TACC3: variants seen among roughly 807,000 people sequenced by gnomAD.
TACC3 encodes transforming acidic coiled-coil containing protein 3, also known as transforming acidic coiled-coil-containing protein 3.
A neutral mutation model predicts 86.0 loss-of-function variants in TACC3; 52 were observed. The ratio of observed to expected loss-of-function variants is 0.60; its 90% CI spans 0.48 to 0.76. The LOEUF (loss-of-function observed/expected upper bound fraction) is 0.76. Ranked by LOEUF, TACC3 falls within the 30% of genes least tolerant of loss-of-function variation. The probability of loss-of-function intolerance (pLI) is 0.00; values close to 1 mark genes in which losing one functional copy is unlikely to be tolerated. For synonymous variants in TACC3, 512 were observed against 430.0 expected, an observed-to-expected ratio of 1.19 and a Z score of -2.36; for missense variants, 1,120 against 1,070.4, an observed-to-expected ratio of 1.05 and a Z score of -0.65.
intron 15 of TACC3, 33 bp downstream of exon 15, chr4:1,744,865 C>T: frequency 6.2e-7 from 1 of 1,612,764 alleles, no homozygotes; most frequent in Non-Finnish European, 8.5e-7. Context: ...AAGGGGCCGT[C>T]TGGCAGCACC....
intron 6 of TACC3, among the ~76,000 whole-genome samples, chr4:1,732,612 T>C (rs1377097770): frequency 4.6e-5 from 7 of 152,216 alleles, no homozygotes; most frequent in South Asian, 4.1e-4. Context: ...GAATGGCATG[T>C]AGGGTTTGTC....
chr4:1,731,929 C>T (rs1229161806), intron 6 of TACC3, among the ~76,000 whole-genome samples: 2 of 152,244 alleles, frequency 1.3e-5, no homozygotes, highest in East Asian at 1.9e-4. Context: ...CCCCCGCGCC[C>T]GGCCCAGAAC....
Position 1,731,253 on chromosome 4 carries a change from C to G in TACC3, c.1543C>G (p.Gln515Glu). The G allele has an allele frequency of 6.2e-7, 1 of 1,613,380 alleles. No homozygotes were observed. Among genetic ancestry groups the G allele is most frequent in the Non-Finnish European group, 8.5e-7 (1 of 1,180,010 alleles). ...SEPVPTHQQG[Q>E]PALELKEESF... ...GCCAGTGCCCACCCATCAGCAGGGG[C>G]AGCCTGCCTTGGAGCTGAAAGAGGA... The change falls in exon 6 of 16, where the codon CAG (glutamine) becomes GAG (glutamate). Residue 515 changes from glutamine (Q) to glutamate (E), a missense_variant. Coordinates refer to ENST00000313288, the MANE Select transcript of TACC3 (RefSeq NM_006342.3).
chr4:1,743,254 CAAAA>C (rs60854843), intron 13 of TACC3, among the ~76,000 whole-genome samples: 18 of 104,652 alleles, frequency 1.7e-4, no homozygotes, highest in Admixed American at 4.0e-4. Context: ...GACTCCGTCT[CAAAA>C]AAAAAAAAAA....
chr4:1,727,855 C>G lies in TACC3; in HGVS notation c.453C>G (p.Asp151Glu), dbSNP rs370688431. The change falls in exon 4 of 16, where the codon GAC (aspartate) becomes GAG (glutamate). Residue 151 changes from aspartate (D) to glutamate (E), a missense_variant. Asp to Glu is a conservative substitution (Grantham distance 45). Coordinates refer to ENST00000313288, the MANE Select transcript of TACC3 (RefSeq NM_006342.3). The part of the protein sequence containing the change: ...SSESGPGALA[D>E]LDCSSSSQSP... ...AGTCTGGCCCAGGTGCCCTGGCTGACCTGGACTGCTCAAGCTCTTCCCAGA... is the reference window on the plus strand; with the variant it reads ...AGTCTGGCCCAGGTGCCCTGGCTGAGCTGGACTGCTCAAGCTCTTCCCAGA... The G allele has an allele frequency of 1.2e-6, 2 of 1,613,528 alleles. No individual in the cohort carries two copies. The highest frequency in any genetic ancestry group is 1.1e-5 in the South Asian group (1 of 91,088).
chr4:1,740,933 G>A lies in TACC3; in HGVS notation c.2170G>A (p.Asp724Asn), dbSNP rs1344324205. The change falls in exon 13 of 16, where the codon GAC (aspartate) becomes AAC (asparagine). Residue 724 changes from aspartate (D) to asparagine (N), a missense_variant. Physicochemically the swap from Asp to Asn is conservative, Grantham distance 23. Transcript: ENST00000313288. Reference sequence around the variant, plus strand: ...GAACTCCATGGAGAAGTCCTTCTCCGACCTCTTCAAGCGTTTTGAGAAACA... The same window carrying A: ...GAACTCCATGGAGAAGTCCTTCTCCAACCTCTTCAAGCGTTTTGAGAAACA... ...DLNSMEKSFS[D>N]LFKRFEKQKE... 5.0e-6 allele frequency: 8 copies of A among 1,612,634 alleles called. No homozygotes were observed. Among genetic ancestry groups the A allele is most frequent in the South Asian group, 2.2e-5 (2 of 90,860 alleles).
In TACC3 at chr4:1,731,175, A is replaced by G; in HGVS notation, c.1465A>G (p.Arg489Gly). Reference sequence around the variant, plus strand: ...GTGACTCTGCCCTTTCCTCCAGGAGAGAGCCTTGAACTCTGCCAGCACCTC... The same window carrying G: ...GTGACTCTGCCCTTTCCTCCAGGAGGGAGCCTTGAACTCTGCCAGCACCTC... ...AETPTAESKE[R>G]ALNSASTSLP... Residue 489 changes from arginine (R) to glycine (G), a missense_variant, in exon 6 of 16, where the codon AGA becomes GGA. Transcript: ENST00000313288. 1 of 1,613,232 alleles carries G rather than the reference A, an allele frequency of 6.2e-7. No homozygotes were observed. The highest frequency in any genetic ancestry group is 8.5e-7 in the Non-Finnish European group (1 of 1,179,996).
rs149322969 is a variant in TACC3, at chr4:1,727,982, A to G, written c.580A>G (p.Arg194Gly). 2 of 1,613,076 alleles carry G rather than the reference A, an allele frequency of 1.2e-6. No homozygotes were observed. Among genetic ancestry groups the G allele is most frequent in the Non-Finnish European group, 1.7e-6 (2 of 1,180,040 alleles). ...CCTTAGTTCCTATTCCTTAGACAGA[A>G]GAGTGACACCCGCCTCTGAGACCCT... ...ENLSSYSLDR[R>G]VTPASETLED... The change falls in exon 4 of 16, where the codon AGA (arginine) becomes GGA (glycine). Residue 194 changes from arginine to glycine, a missense_variant. Coordinates refer to ENST00000313288, the MANE Select transcript of TACC3 (RefSeq NM_006342.3).
intron 10 of TACC3, 167 bp from the exon 11 acceptor site, chr4:1,739,535 T>G (rs1718460929): frequency 1.6e-6 from 1 of 638,994 alleles, no homozygotes; most frequent in Non-Finnish European, 2.7e-6. Flanking sequence ...GCAGGTGGCC[T>G]TGGCCTCGAC....
chr4:1,724,941 T>TTTTC (rs1178481222), intron 3 of TACC3, among the ~76,000 whole-genome samples: 1 of 147,498 alleles, frequency 6.8e-6, no homozygotes, highest in Non-Finnish European at 1.5e-5. Flanking sequence ...TTTTTTTTTT[T>TTTTC]TTTTTTTTAC....
rs183064119 is a variant in TACC3, at chr4:1,741,292, G to A, written c.2223+306G>A. ...AGATTTGAGACAGCGCTGGTGCACC[G>A]GGGCCTGGGGCACCTCGGAAAGGTG... On this transcript the variant is annotated intron_variant, in intron 13 of 15. Coordinates refer to ENST00000313288, the MANE Select transcript of TACC3 (RefSeq NM_006342.3). 5.9e-4 allele frequency: 137 copies of A among 231,226 alleles called. 1 individual carries two copies. In the Middle Eastern group the frequency reaches 0.01, roughly 17 times the overall value. The allele number at this position is 231,226 out of a possible 1,614,324, so 14.3% of individuals were successfully genotyped here.
Position 1,739,948 on chromosome 4 carries a change from T to TCCTC in TACC3, c.2019-8_2019-5dup. ...CGAGGCAATGGCTGTGTGTCTGTTC[T>TCCTC]CCTCCCACAGGAAGATCATGGACAG... On this transcript the variant is annotated splice_polypyrimidine_tract_variant and intron_variant, in intron 11 of 15. Coordinates refer to ENST00000313288, the MANE Select transcript of TACC3 (RefSeq NM_006342.3). 6.2e-7 allele frequency: 1 copy of TCCTC among 1,612,634 alleles called. No homozygotes were observed. Among genetic ancestry groups the TCCTC allele is most frequent in the Non-Finnish European group, 8.5e-7 (1 of 1,179,730 alleles).
intron 13 of TACC3, 120 bp from the exon 14 acceptor site, chr4:1,744,398 C>CT (rs34848704): frequency 0.36 from 319,357 of 877,318 alleles, 62,946 homozygotes; most frequent in East Asian, 0.7. Context: ...AAAACGGGAG[C>CT]TACTGGCTCA....
intron 4 of TACC3, 111 bp downstream of exon 4, chr4:1,728,898 A>G: frequency 4.4e-6 from 5 of 1,129,050 alleles, no homozygotes; most frequent in South Asian, 1.6e-5. Context: ...GAGGCCGGGT[A>G]GGTTCTGCCT....
chr4:1,732,766 T>C (rs2108698108), intron 6 of TACC3, among the ~76,000 whole-genome samples: 1 of 152,328 alleles, frequency 6.6e-6, no homozygotes, highest in East Asian at 1.9e-4. Flanking sequence ...TGTTTCCGAG[T>C]CCTGGCCATG....
At chr4:1,744,861 C>T (rs1463420934) in intron 15 of TACC3, 29 bp downstream of exon 15, 1 of 1,612,776 alleles carries the variant, frequency 6.2e-7, no homozygotes, top group Non-Finnish European at 8.5e-7. Flanking sequence ...GCTCAAGGGG[C>T]CGTCTGGCAG....
chr4:1,731,047 G>C, intron 5 of TACC3, 85 bp downstream of exon 5: 2 of 1,600,400 alleles, frequency 1.2e-6, no homozygotes, highest in Non-Finnish European at 1.7e-6. Flanking sequence ...AGCAGCCTTG[G>C]GTGACGGGGT....
chr4:1,729,903 TACCGCTAG>T (rs1717914886), intron 4 of TACC3, among the ~76,000 whole-genome samples: 1 of 152,236 alleles, frequency 6.6e-6, no homozygotes, highest in South Asian at 2.1e-4. Context: ...GTGCTGGTGT[TACCGCTAG>T]ACCAGGGAGC....
At chr4:1,723,187 C>G (rs1031524211) in intron 1 of TACC3, 16 of 559,298 alleles carry the variant, frequency 2.9e-5, no homozygotes, top group Non-Finnish European at 4.8e-5. Flanking sequence ...CAGGAAGCAG[C>G]AGTGCTGCCC....
Sources: allele counts gnomAD v4.1 joint callset (sites outside exome capture counted in the v4.1 genomes callset), GRCh38; gene constraint gnomAD v4.1.1; transcripts MANE v1.5; gene names NCBI Gene and HGNC (gene_info 2026-07-23, HGNC 2026-07-21).